CNTN4: variants seen among roughly 807,000 people sequenced by gnomAD.
CNTN4 encodes contactin 4, also known as contactin-4.
A neutral mutation model predicts 122.5 loss-of-function variants in CNTN4; 77 were observed. The ratio of observed to expected loss-of-function variants is 0.63; its 90% CI spans 0.52 to 0.76. The LOEUF (loss-of-function observed/expected upper bound fraction) is 0.76. CNTN4 is among the 30% of genes least tolerant of loss of function. The pLI is 0.00. For missense variants in CNTN4, 1,256 were observed against 1,259.1 expected (o/e 1.00, Z 0.04); for synonymous variants, 512 against 447.0 (o/e 1.15, Z -1.83).
intron 3 of CNTN4, among the ~76,000 whole-genome samples, chr3:2,366,543 T>C (rs184057107): frequency 0.01 from 1,581 of 152,052 alleles, 34 homozygotes; most frequent in African/African-American, 0.036. Flanking sequence ...CTGGCTAACA[T>C]GGTGAAACCC....
chr3:2,468,998 GC>G (rs1202272094), intron 3 of CNTN4, among the ~76,000 whole-genome samples: 3 of 152,134 alleles, frequency 2.0e-5, no homozygotes, highest in African/African-American at 7.2e-5. Flanking sequence ...AAATAAGATT[GC>G]TATAATTGGC....
intron 2 of CNTN4, among the ~76,000 whole-genome samples, chr3:2,181,028 CTTGT>C (rs901280436): frequency 6.6e-6 from 1 of 151,996 alleles, no homozygotes; most frequent in African/African-American, 2.4e-5. Flanking sequence ...ACATGGGAAA[CTTGT>C]TTGTTTTTAG....
rs370383530 is a variant in CNTN4 at position 2,961,146 on chromosome 3, C to T, written c.1359-27199C>T. 4.1e-3 allele frequency among the ~76,000 whole-genome samples: 553 copies of T among 135,970 alleles called. 5 individuals are homozygous for T. Among genetic ancestry groups the T allele is most frequent in the African/African-American group, 0.014 (521 of 37,178 alleles). The allele number at this position is 135,970 out of a possible 152,430, so 89.2% of individuals were successfully genotyped here. On this transcript the variant is annotated intron_variant, in intron 13 of 24. Transcript: ENST00000418658. ...TCGGGAGGCTGAGGCAGGAGAATGGCGTGAACCCGGGAGGCGGAGCTTGCA... is the reference window on the plus strand; with the variant it reads ...TCGGGAGGCTGAGGCAGGAGAATGGTGTGAACCCGGGAGGCGGAGCTTGCA...
At chr3:2,576,203 G>T (rs2079676215) in intron 4 of CNTN4, among the ~76,000 whole-genome samples, 1 of 152,142 alleles carries the variant, frequency 6.6e-6, no homozygotes, top group South Asian at 2.1e-4. Flanking sequence ...AGATATTTCT[G>T]TCCTTTTAGT....
chr3:2,184,741 C>T (rs929826354), intron 2 of CNTN4, among the ~76,000 whole-genome samples: 2 of 152,106 alleles, frequency 1.3e-5, no homozygotes, highest in African/African-American at 4.8e-5. Context: ...AACAGGGCAC[C>T]ATCTTGGACA....
intron 3 of CNTN4, among the ~76,000 whole-genome samples, chr3:2,425,988 A>T (rs1377661329): frequency 1.3e-5 from 2 of 152,168 alleles, no homozygotes; most frequent in Non-Finnish European, 2.9e-5. Context: ...GGGATTTTCT[A>T]AATATACAAT....
intron 12 of CNTN4, among the ~76,000 whole-genome samples, chr3:2,917,252 C>G (rs62232792): frequency 6.6e-6 from 1 of 151,592 alleles, no homozygotes; most frequent in African/African-American, 2.4e-5. Context: ...ATGGCAGCAG[C>G]ACAGTCCAGC....
At chr3:2,292,760 C>T (rs929557736) in intron 2 of CNTN4, among the ~76,000 whole-genome samples, 3 of 152,084 alleles carry the variant, frequency 2.0e-5, no homozygotes, top group Non-Finnish European at 4.4e-5. Flanking sequence ...TTTTTCAATT[C>T]CAGATAGTAT....
chr3:2,321,005 G>A (rs1026686060), intron 2 of CNTN4, among the ~76,000 whole-genome samples: 3 of 152,048 alleles, frequency 2.0e-5, no homozygotes, highest in African/African-American at 7.2e-5. Flanking sequence ...TCTCATGGGA[G>A]AGTTCAAAGA....
At chr3:2,450,768 G>A (rs1248784795) in intron 3 of CNTN4, among the ~76,000 whole-genome samples, 3 of 152,160 alleles carry the variant, frequency 2.0e-5, no homozygotes, top group Non-Finnish European at 4.4e-5. Flanking sequence ...AAGATAACTT[G>A]TCCCCAAGAA....
chr3:2,489,251 G>A (rs2076247387), intron 3 of CNTN4, among the ~76,000 whole-genome samples: 1 of 152,110 alleles, frequency 6.6e-6, no homozygotes, highest in African/African-American at 2.4e-5. Context: ...AAGTATCCTA[G>A]AATTATCATG....
chr3:2,307,959 T>C (rs1037537675), intron 2 of CNTN4, among the ~76,000 whole-genome samples: 27 of 152,162 alleles, frequency 1.8e-4, no homozygotes, highest in African/African-American at 5.1e-4. Context: ...TGGAAGTGTT[T>C]CTTTGTCTTC....
intron 4 of CNTN4, among the ~76,000 whole-genome samples, chr3:2,733,620 G>A (rs1252037909): frequency 2.2e-5 from 3 of 139,312 alleles, no homozygotes; most frequent in Non-Finnish European, 3.0e-5. Context: ...TGGAGACTCC[G>A]CCTCCCAGGT....
chr3:3,036,036 A>T (rs1194696180), intron 17 of CNTN4, among the ~76,000 whole-genome samples: 1 of 152,064 alleles, frequency 6.6e-6, no homozygotes, highest in Non-Finnish European at 1.5e-5. Flanking sequence ...TTCTCTTTGC[A>T]TGTAAAAGAA....
intron 13 of CNTN4, among the ~76,000 whole-genome samples, chr3:2,974,513 C>A (rs1693236169): frequency 6.6e-6 from 1 of 152,172 alleles, no homozygotes; most frequent in South Asian, 2.1e-4. Flanking sequence ...TTAGAGATGG[C>A]AGTCTGGAGC....
Position 2,859,257 on chromosome 3 carries a change from A to G in CNTN4, c.455-7495A>G, listed in dbSNP as rs193130642. Reference sequence around the variant, plus strand: ...AGTATTTTATTATTTTTATGGCTAGATACTATTCCACTGTGTATATATATC... The same window carrying G: ...AGTATTTTATTATTTTTATGGCTAGGTACTATTCCACTGTGTATATATATC... On this transcript the variant is annotated intron_variant, in intron 7 of 24. Coordinates refer to ENST00000418658, the MANE Select transcript of CNTN4 (RefSeq NM_175607.3). Among the ~76,000 whole-genome samples the G allele has an allele frequency of 2.0e-5, 3 of 152,316 alleles. No individual in the cohort carries two copies. In the East Asian group the frequency reaches 5.8e-4, roughly 29 times the overall value.
At chr3:2,343,621 G>A (rs4685515) in intron 3 of CNTN4, among the ~76,000 whole-genome samples, 62,471 of 152,052 alleles carry the variant, frequency 0.41, 13,667 homozygotes, top group East Asian at 0.8. Flanking sequence ...TCACTATGTG[G>A]AGTACACTTT....
intron 14 of CNTN4, among the ~76,000 whole-genome samples, chr3:2,993,400 C>T (rs778826893): frequency 2.0e-5 from 3 of 151,062 alleles, no homozygotes; most frequent in African/African-American, 7.3e-5. Flanking sequence ...CGGGCTCAAG[C>T]GATTCTCCTG....
At chr3:2,885,670 A>T (rs1447038586) in intron 9 of CNTN4, among the ~76,000 whole-genome samples, 2 of 152,194 alleles carry the variant, frequency 1.3e-5, no homozygotes, top group African/African-American at 4.8e-5. Context: ...TTGCTACATA[A>T]CCAACTTAGA....
Sources: allele counts gnomAD v4.1 joint callset (sites outside exome capture counted in the v4.1 genomes callset), GRCh38; gene constraint gnomAD v4.1.1; transcripts MANE v1.5; gene names NCBI Gene and HGNC (gene_info 2026-07-23, HGNC 2026-07-21).